CABLES1: variants seen among roughly 807,000 people sequenced by gnomAD.
CABLES1 encodes the protein Cdk5 and Abl enzyme substrate 1.
CABLES1 carries 36 observed loss-of-function variants against 57.8 expected under a neutral mutation model. That is an observed-to-expected ratio of 0.62 (90% CI 0.48 to 0.82). CABLES1 has a LOEUF of 0.82. CABLES1 is among the 40% of genes least tolerant of loss of function. The pLI, the probability that CABLES1 is intolerant of heterozygous loss-of-function variation, is 0.00. For missense variants in CABLES1, 767 were observed against 836.6 expected, an observed-to-expected ratio of 0.92 and a Z score of 1.03; for synonymous variants, 374 against 363.0, an observed-to-expected ratio of 1.03 and a Z score of -0.35.
intron 2 of CABLES1, chr18:23,190,327 G>A (rs1404755238): frequency 6.6e-6 from 1 of 152,154 alleles, no homozygotes. Flanking sequence ...ATAACGTTGA[G>A]AAGCCCCTGG....
At chr18:23,218,793 A>G (rs1253625989) in intron 4 of CABLES1, among the ~76,000 whole-genome samples, 4 of 152,254 alleles carry the variant, frequency 2.6e-5, no homozygotes, top group Non-Finnish European at 4.4e-5. Flanking sequence ...AGGGCTTTCT[A>G]TAATACTACC....
At chr18:23,202,880 G>A (rs1395614713) in intron 3 of CABLES1, among the ~76,000 whole-genome samples, 7 of 151,962 alleles carry the variant, frequency 4.6e-5, no homozygotes, top group African/African-American at 1.5e-4. Flanking sequence ...CCAGTTACTC[G>A]GGAGGCTGAG....
chr18:23,191,080 CAAAAAA>C (rs10636287), intron 2 of CABLES1, among the ~76,000 whole-genome samples: 9 of 63,594 alleles, frequency 1.4e-4, no homozygotes, highest in East Asian at 4.1e-4. Flanking sequence ...CCCATCTCTA[CAAAAAA>C]AAAAAAAAAA....
chr18:23,200,346 G>A (rs749345872), intron 3 of CABLES1, among the ~76,000 whole-genome samples: 28 of 149,846 alleles, frequency 1.9e-4, no homozygotes, highest in African/African-American at 4.7e-4. Context: ...TGCAAACTCC[G>A]CCTCCTAGGT....
At chr18:23,188,098 T>TACC (rs1435526866) in intron 1 of CABLES1, among the ~76,000 whole-genome samples, 2 of 152,228 alleles carry the variant, frequency 1.3e-5, no homozygotes, top group African/African-American at 4.8e-5. Context: ...TATGTAAACT[T>TACC]ACCACCACCC....
At chr18:23,214,928 T>TC (rs2047431347) in intron 4 of CABLES1, among the ~76,000 whole-genome samples, 1 of 152,130 alleles carries the variant, frequency 6.6e-6, no homozygotes, top group Non-Finnish European at 1.5e-5. Flanking sequence ...CACCATGACC[T>TC]CCCCTTTCCC....
chr18:23,235,144 C>T (rs2047594061), intron 5 of CABLES1, among the ~76,000 whole-genome samples: 1 of 152,204 alleles, frequency 6.6e-6, no homozygotes, highest in South Asian at 2.1e-4. Context: ...ATTCCTCTTC[C>T]ATCCACATGC....
chr18:23,139,707 G>A (rs2046845599), intron 1 of CABLES1, among the ~76,000 whole-genome samples: 1 of 152,164 alleles, frequency 6.6e-6, no homozygotes, highest in South Asian at 2.1e-4. Flanking sequence ...GGAGAACATA[G>A]GCTCAGAGAG....
chr18:23,242,457 C>T (rs1046581049), intron 7 of CABLES1, among the ~76,000 whole-genome samples: 1 of 152,128 alleles, frequency 6.6e-6, no homozygotes, highest in Admixed American at 6.5e-5. Flanking sequence ...GCTCTCTGCA[C>T]CTCTTGGCAT....
chr18:23,183,898 T>A (rs2047184565), intron 1 of CABLES1, among the ~76,000 whole-genome samples: 1 of 152,140 alleles, frequency 6.6e-6, no homozygotes, highest in African/African-American at 2.4e-5. Context: ...AGGCTTTTTG[T>A]TTATTACAGG....
chr18:23,153,521 G>A (rs1047246942), intron 1 of CABLES1, among the ~76,000 whole-genome samples: 1 of 151,890 alleles, frequency 6.6e-6, no homozygotes, highest in African/African-American at 2.4e-5. Flanking sequence ...ATCACTTGAG[G>A]TCAGAAGTGC....
chr18:23,239,172 C>T (rs551087270), intron 7 of CABLES1, among the ~76,000 whole-genome samples: 7 of 152,372 alleles, frequency 4.6e-5, no homozygotes, highest in Admixed American at 4.6e-4. Flanking sequence ...ACACATACAA[C>T]TTTTCCTCCT....
chr18:23,147,858 C>T (rs1026665342), intron 1 of CABLES1, among the ~76,000 whole-genome samples: 9 of 152,074 alleles, frequency 5.9e-5, no homozygotes, highest in African/African-American at 1.9e-4. Context: ...CCGCAGCCCA[C>T]GTGGGGCACA....
chr18:23,194,705 A>T (rs1371380584), intron 3 of CABLES1, among the ~76,000 whole-genome samples, 165 bp downstream of exon 3: 1 of 152,234 alleles, frequency 6.6e-6, no homozygotes, highest in Admixed American at 6.5e-5. Flanking sequence ...CACTCATGCC[A>T]GAATCACCAA....
intron 1 of CABLES1, among the ~76,000 whole-genome samples, chr18:23,166,651 C>T (rs534163644): frequency 1.3e-5 from 2 of 152,172 alleles, no homozygotes; most frequent in Admixed American, 6.5e-5. Context: ...GTGTAGGACA[C>T]GCACACACAG....
Position 23,136,590 on chromosome 18 carries a change from G to A in CABLES1, c.828G>A (p.Glu276=), listed in dbSNP as rs369906945. 16 of 1,485,494 alleles carry A rather than the reference G, an allele frequency of 1.1e-5. No individual in the cohort carries two copies. In the African/African-American group the frequency reaches 2.0e-4, roughly 19 times the overall value. 92.0% of individuals were successfully genotyped at this position (1,485,494 alleles called of 1,614,324 possible). A position where few individuals can be genotyped will look rare whatever the true frequency, so the allele number is the denominator to read the frequency against. ...PGQGGSTSAF[E]QLQRSRRRLI... is the part of the protein sequence containing the mutation. ...AGGGCGGCAGCACCAGCGCCTTCGA[G>A]CAGCTGCAGAGGTCCCGGTGAGTAT... The change falls in exon 1 of 10, where the codon GAG becomes GAA. Residue 276 remains glutamate (E), a synonymous_variant. Transcript: ENST00000256925.
chr18:23,150,209 T>G (rs923447737), intron 1 of CABLES1, among the ~76,000 whole-genome samples: 1 of 140,642 alleles, frequency 7.1e-6, no homozygotes, highest in South Asian at 2.4e-4. Flanking sequence ...TGGTGTTTGT[T>G]TTTTTTTTTT....
chr18:23,256,716 C>T (rs1598894209), intron 9 of CABLES1, among the ~76,000 whole-genome samples: 1 of 152,132 alleles, frequency 6.6e-6, no homozygotes. Context: ...AACTCCCGAC[C>T]TCAAGTGATC....
At chr18:23,253,578 C>T (rs750959774) in intron 8 of CABLES1, 151 bp from the exon 9 acceptor site, 19 of 654,704 alleles carry the variant, frequency 2.9e-5, no homozygotes, top group African/African-American at 7.3e-5. Context: ...CCATGCATAA[C>T]GCAGCCTTCA....
Sources: allele counts gnomAD v4.1 joint callset (sites outside exome capture counted in the v4.1 genomes callset), GRCh38; gene constraint gnomAD v4.1.1; transcripts MANE v1.5; gene names NCBI Gene and HGNC (gene_info 2026-07-23, HGNC 2026-07-21).